PTPRD: variants seen among roughly 807,000 people sequenced by gnomAD.
PTPRD encodes the protein receptor-type tyrosine-protein phosphatase delta.
A neutral mutation model predicts 214.5 loss-of-function variants in PTPRD; 34 were observed. The ratio of observed to expected loss-of-function variants is 0.16; its 90% CI spans 0.12 to 0.21. The LOEUF is 0.21. PTPRD is among the 10% of genes least tolerant of loss of function. The pLI is 1.00. For missense variants in PTPRD, 2,545 were observed against 2,398.7 expected, an observed-to-expected ratio of 1.06 and a Z score of -1.27; for synonymous variants, 1,128 against 845.7, an observed-to-expected ratio of 1.33 and a Z score of -5.79.
chr9:8,786,741 C>A (rs1341387394), intron 11 of PTPRD, among the ~76,000 whole-genome samples: 2 of 135,074 alleles, frequency 1.5e-5, no homozygotes, highest in African/African-American at 5.0e-5. Flanking sequence ...ATACCTGAAT[C>A]CTCAGGGAAA....
chr9:8,646,156 GA>G (rs2154339833), intron 12 of PTPRD, among the ~76,000 whole-genome samples: 1 of 152,088 alleles, frequency 6.6e-6, no homozygotes, highest in South Asian at 2.1e-4. Context: ...TTAATTTACA[GA>G]AAATTCCAAC....
At chr9:9,387,668 A>T (rs976943412) in intron 9 of PTPRD, among the ~76,000 whole-genome samples, 24 of 152,144 alleles carry the variant, frequency 1.6e-4, no homozygotes, top group African/African-American at 5.8e-4. Context: ...GTGATAGTAC[A>T]TGCTATTATT....
At chr9:10,116,066 T>C (rs1374625674) in intron 3 of PTPRD, among the ~76,000 whole-genome samples, 1 of 152,122 alleles carries the variant, frequency 6.6e-6, no homozygotes, top group Non-Finnish European at 1.5e-5. Flanking sequence ...TTCATGTTTG[T>C]ATTTATAATT....
chr9:10,136,049 T>A (rs2098940800), intron 3 of PTPRD, among the ~76,000 whole-genome samples: 1 of 151,688 alleles, frequency 6.6e-6, no homozygotes, highest in African/African-American at 2.4e-5. Flanking sequence ...AGACCTATCA[T>A]GCAACTGCAA....
intron 2 of PTPRD, among the ~76,000 whole-genome samples, chr9:10,343,399 C>G (rs1263553221): frequency 6.6e-6 from 1 of 152,100 alleles, no homozygotes; most frequent in Non-Finnish European, 1.5e-5. Context: ...CTGGTTGGTT[C>G]CAAGTCTTTG....
At chr9:8,524,506 C>T (rs567929502) in intron 18 of PTPRD, among the ~76,000 whole-genome samples, 1 of 152,216 alleles carries the variant, frequency 6.6e-6, no homozygotes, top group East Asian at 1.9e-4. Flanking sequence ...AAGACATAAA[C>T]ACCTTTATGC....
chr9:9,919,236 T>C (rs942723357), intron 5 of PTPRD, among the ~76,000 whole-genome samples: 1 of 152,116 alleles, frequency 6.6e-6, no homozygotes, highest in Non-Finnish European at 1.5e-5. Context: ...TACCCTCTCT[T>C]CCTTCTAACT....
At chr9:9,167,682 G>A (rs1366158574) in intron 10 of PTPRD, among the ~76,000 whole-genome samples, 1 of 152,012 alleles carries the variant, frequency 6.6e-6, no homozygotes, top group Non-Finnish European at 1.5e-5. Flanking sequence ...TTGATCCAAG[G>A]AGGCAGAGGT....
chr9:10,181,992 A>C (rs2099294549), intron 3 of PTPRD, among the ~76,000 whole-genome samples: 1 of 146,818 alleles, frequency 6.8e-6, no homozygotes, highest in Non-Finnish European at 1.5e-5. Flanking sequence ...GCAGTGGCTC[A>C]CGCCTGTAAT....
intron 35 of PTPRD, among the ~76,000 whole-genome samples, chr9:8,416,558 A>G (rs367995465): frequency 5.3e-5 from 8 of 151,966 alleles, no homozygotes; most frequent in African/African-American, 1.9e-4. Flanking sequence ...AGGACTCAAC[A>G]CTCTGGAGGG....
intron 8 of PTPRD, among the ~76,000 whole-genome samples, chr9:9,508,687 T>C (rs1590189674): frequency 1.3e-5 from 2 of 151,682 alleles, no homozygotes; most frequent in African/African-American, 2.4e-5. Context: ...AGGTATTATA[T>C]GTTCTCATTT....
At chr9:8,376,766 C>A (rs373359928) in intron 37 of PTPRD, 40 bp from the exon 38 acceptor site, 1 of 1,608,476 alleles carries the variant, frequency 6.2e-7, no homozygotes, top group Non-Finnish European at 8.5e-7. Flanking sequence ...AAATGCTCAT[C>A]AATTTCTCTA....
chr9:9,533,009 G>A (rs1238250563), intron 8 of PTPRD, among the ~76,000 whole-genome samples: 2 of 152,128 alleles, frequency 1.3e-5, no homozygotes, highest in Non-Finnish European at 2.9e-5. Context: ...TGCAGAAGAA[G>A]TTTACAGAGA....
Position 9,682,452 on chromosome 9 carries a change from C to T in PTPRD, c.-287+52081G>A, listed in dbSNP as rs370230604. Reference sequence around the variant, plus strand: ...TTTCAGAGACTTTCAAGGTTTATTTCCAAAGAACAAGAAGAAAATTTGTTG... The same window carrying T: ...TTTCAGAGACTTTCAAGGTTTATTTTCAAAGAACAAGAAGAAAATTTGTTG... On this transcript the variant is annotated intron_variant, in intron 7 of 45. Coordinates refer to ENST00000381196, the MANE Select transcript of PTPRD (RefSeq NM_002839.4). Among the ~76,000 whole-genome samples the T allele has an allele frequency of 9.9e-5, 15 of 151,786 alleles. No individual in the cohort carries two copies. The East Asian group carries it at 1.7e-3, about 18-fold the overall frequency.
intron 11 of PTPRD, among the ~76,000 whole-genome samples, chr9:8,822,989 T>G (rs1345901045): frequency 2.6e-5 from 4 of 152,208 alleles, no homozygotes; most frequent in African/African-American, 9.6e-5. Flanking sequence ...GTCCTCGGTA[T>G]GAAATCTTCC....
intron 11 of PTPRD, among the ~76,000 whole-genome samples, chr9:8,789,119 A>T (rs1455726985): frequency 1.3e-5 from 2 of 152,160 alleles, no homozygotes; most frequent in African/African-American, 2.4e-5. Context: ...ATGACTCCAA[A>T]GGCATCACCA....
At chr9:10,597,782 T>C (rs1425236191) in intron 2 of PTPRD, among the ~76,000 whole-genome samples, 1 of 151,826 alleles carries the variant, frequency 6.6e-6, no homozygotes, top group Non-Finnish European at 1.5e-5. Context: ...TGTTGCATTA[T>C]TTACACCTAG....
rs558368067 is a variant in PTPRD, at chr9:9,677,069, T to C, written c.-287+57464A>G. 2.7e-3 allele frequency among the ~76,000 whole-genome samples: 407 copies of C among 152,144 alleles called. 2 individuals carry two copies. The highest frequency in any genetic ancestry group is 9.1e-3 in the African/African-American group (380 of 41,544). ...TAGGTTGCAAAAATTTTCTCCCATT[T>C]TGTAGGTTGCCTGTTCACTCTGATG... On this transcript the variant is annotated intron_variant, in intron 7 of 45. Transcript: ENST00000381196.
At position 8,484,243 on chromosome 9, in the gene PTPRD, G is replaced by A. The variant is rs2135775399; in HGVS notation, c.3289C>T (p.His1097Tyr). The A allele has an allele frequency of 6.2e-7, 1 of 1,614,110 alleles. No individual in the cohort carries two copies. The highest frequency in any genetic ancestry group is 8.5e-7 in the Non-Finnish European group (1 of 1,180,018). ...GGTGCAGTCTTTGCCGTGACCCTGT[G>A]CTGCAGCCCACCAGCACTGTTTCCA... ...NRGNSAGGLQHRVTAKTAPDV... is the reference protein window; with the variant it reads ...NRGNSAGGLQYRVTAKTAPDV... Residue 1097 changes from histidine to tyrosine, a missense_variant, in exon 30 of 46, where the codon CAC becomes TAC. Coordinates refer to ENST00000381196, the MANE Select transcript of PTPRD (RefSeq NM_002839.4).
Sources: allele counts gnomAD v4.1 joint callset (sites outside exome capture counted in the v4.1 genomes callset), GRCh38; gene constraint gnomAD v4.1.1; transcripts MANE v1.5; gene names NCBI Gene and HGNC (gene_info 2026-07-23, HGNC 2026-07-21).